ZNF37A: variants seen among roughly 807,000 people sequenced by gnomAD.
ZNF37A encodes the protein zinc finger protein 37A.
Under a neutral mutation model 12.3 loss-of-function variants are expected in ZNF37A, and 10 were observed. That is an observed-to-expected ratio of 0.82 (90% CI 0.50 to 1.38). The LOEUF (loss-of-function observed/expected upper bound fraction) is 1.38, where lower values mean the gene tolerates loss of function less well. Among genes scored for constraint, ZNF37A ranks in the 40% most tolerant of loss-of-function variants. The pLI is 0.00. For missense variants in ZNF37A, 580 were observed against 651.2 expected (o/e 0.89, Z 1.19); for synonymous variants, 207 against 223.0 (o/e 0.93, Z 0.64).
At chr10:38,106,036 G>C (rs537850388) in intron 5 of ZNF37A, among the ~76,000 whole-genome samples, 1 of 152,142 alleles carries the variant, frequency 6.6e-6, no homozygotes, top group African/African-American at 2.4e-5. Context: ...TTGCAGTGGT[G>C]TGAAAGCACT....
Position 38,145,671 on chromosome 10 carries a change from T to C in ZNF37A, c.239-1061T>C, listed in dbSNP as rs149727428. 9.5e-3 allele frequency among the ~76,000 whole-genome samples: 1,444 copies of C among 152,318 alleles called. 9 individuals are homozygous for C. Among genetic ancestry groups the C allele is most frequent in the Middle Eastern group, 0.034 (10 of 294 alleles). On this transcript the variant is annotated intron_variant, in intron 7 of 7. Transcript: ENST00000638053. ...ACAATGGATGTGCCTATACAGTTCA[T>C]ATTGGCTGGGGGCTCAGTCACTGTG...
intron 5 of ZNF37A, among the ~76,000 whole-genome samples, chr10:38,097,148 A>G (rs1485953995): frequency 2.6e-5 from 4 of 152,252 alleles, no homozygotes; most frequent in Non-Finnish European, 4.4e-5. Context: ...CAGTTTGTCA[A>G]TGGGCTTTAT....
At chr10:38,100,784 A>C (rs2067499965) in intron 5 of ZNF37A, among the ~76,000 whole-genome samples, 1 of 152,234 alleles carries the variant, frequency 6.6e-6, no homozygotes, top group South Asian at 2.1e-4. Context: ...AAAGACAGGC[A>C]TAGGAAATCA....
chr10:38,135,584 T>A (rs2070097240), intron 7 of ZNF37A, among the ~76,000 whole-genome samples: 1 of 152,224 alleles, frequency 6.6e-6, no homozygotes, highest in South Asian at 2.1e-4. Context: ...TTTATAATTG[T>A]CCATGTATTA....
chr10:38,112,500 A>G (rs569198655), intron 5 of ZNF37A, among the ~76,000 whole-genome samples: 1 of 151,908 alleles, frequency 6.6e-6, no homozygotes, highest in African/African-American at 2.4e-5. Flanking sequence ...TCAGACATAA[A>G]CGGGCTATAA....
At chr10:38,129,003 C>T (rs538079050), downstream of ZNF37A, among the ~76,000 whole-genome samples, 16 of 152,146 alleles carry the variant, frequency 1.1e-4, no homozygotes, top group Non-Finnish European at 2.1e-4. Flanking sequence ...CTGCCCACCT[C>T]GGCCTCCCAA....
At chr10:38,105,265 A>G (rs2067967196) in intron 5 of ZNF37A, among the ~76,000 whole-genome samples, 1 of 152,098 alleles carries the variant, frequency 6.6e-6, no homozygotes, top group Non-Finnish European at 1.5e-5. Flanking sequence ...TTGGCCTAAC[A>G]AAGTGTTGGG....
chr10:38,102,555 T>G (rs1214579690), intron 5 of ZNF37A, among the ~76,000 whole-genome samples: 1 of 152,206 alleles, frequency 6.6e-6, no homozygotes, highest in Non-Finnish European at 1.5e-5. Flanking sequence ...TATCTGTCTT[T>G]TAAATCACAT....
chr10:38,105,148 G>C (rs1044187649), intron 5 of ZNF37A, among the ~76,000 whole-genome samples: 3 of 152,008 alleles, frequency 2.0e-5, no homozygotes, highest in Non-Finnish European at 2.9e-5. Context: ...TGGGATTACA[G>C]ACATGTGCCA....
rs1306849652 is a variant in ZNF37A, at chr10:38,115,217, A to T, written c.165A>T (p.Glu55Asp). ...VSVGYCIPKP[E>D]VILKLEKGEE... is the part of the protein sequence containing the mutation. ...CAGGGTATTGCATTCCTAAACCAGA[A>T]GTGATTCTCAAGTTGGAGAAAGGCG... The change falls in exon 7 of 8, where the codon GAA (glutamate) becomes GAT (aspartate). Residue 55 changes from glutamate to aspartate, a missense_variant. Coordinates refer to ENST00000685332, the MANE Select transcript of ZNF37A (RefSeq NM_001324250.3). 1.9e-5 allele frequency: 31 copies of T among 1,613,826 alleles called. No individual in the cohort carries two copies. Among genetic ancestry groups the T allele is most frequent in the Non-Finnish European group, 2.6e-5 (31 of 1,179,962 alleles).
intron 5 of ZNF37A, among the ~76,000 whole-genome samples, chr10:38,104,802 G>A (rs542420721): frequency 1.1e-4 from 17 of 151,966 alleles, no homozygotes; most frequent in Non-Finnish European, 2.1e-4. Flanking sequence ...AAATACACAT[G>A]TGTACACCTA....
intron 7 of ZNF37A, among the ~76,000 whole-genome samples, chr10:38,131,171 T>C (rs1035802699): frequency 9.2e-5 from 14 of 152,292 alleles, no homozygotes; most frequent in African/African-American, 1.4e-4. Context: ...CTTTGCTTTC[T>C]TGATAGTATT....
At position 38,117,548 on chromosome 10, in the gene ZNF37A, C is replaced by T. The variant is rs1160930559; in HGVS notation, c.397C>T (p.Leu133Phe). Residue 133 changes from leucine (L) to phenylalanine (F), a missense_variant, in exon 8 of 8, where the codon CTC (leucine) becomes TTC (phenylalanine). By Grantham distance (22) the Leu-to-Phe change is conservative. Transcript: ENST00000685332. ...GAACAGCTTCTGGCTGAATGAAGAC[C>T]TCATTTGGCATCAGAAAATTAAAAA... is the stretch of plus-strand genomic sequence containing the variant. ...NGNSFWLNED[L>F]IWHQKIKNWE... is the part of the protein sequence containing the mutation. 6.2e-7 allele frequency: 1 copy of T among 1,613,476 alleles called. No individual in the cohort carries two copies. Among genetic ancestry groups the T allele is most frequent in the Admixed American group, 1.7e-5 (1 of 59,864 alleles).
intron 7 of ZNF37A, chr10:38,137,712 C>T (rs1236082909): frequency 3.9e-5 from 6 of 152,174 alleles, no homozygotes; most frequent in Non-Finnish European, 5.9e-5. Context: ...TAGTTGCAAC[C>T]CTGCTCGTGG....
intron 5 of ZNF37A, among the ~76,000 whole-genome samples, chr10:38,108,016 A>G (rs2068280451): frequency 6.6e-6 from 1 of 152,186 alleles, no homozygotes; most frequent in African/African-American, 2.4e-5. Flanking sequence ...ATAGACATCT[A>G]CAGAACTCTC....
chr10:38,146,595 T>G (rs2505235), intron 7 of ZNF37A: 7 of 385,320 alleles, frequency 1.8e-5, no homozygotes, highest in Non-Finnish European at 3.2e-5. Context: ...AGGTCTACTT[T>G]CAGGGGATTT....
rs1280301653 is a variant in ZNF37A, at chr10:38,123,337, A to G, written c.*4500A>G. ...AAATAAAGTTAATTTCAATGTTTAAAGACTTGTTATTAAAATAATAGCAGT... is the reference window on the plus strand; with the variant it reads ...AAATAAAGTTAATTTCAATGTTTAAGGACTTGTTATTAAAATAATAGCAGT... On this transcript the variant is annotated 3_prime_UTR_variant, in exon 8 of 8. Coordinates refer to ENST00000685332, the MANE Select transcript of ZNF37A (RefSeq NM_001324250.3). 6.6e-6 allele frequency: 1 copy of G among 152,264 alleles called. No homozygotes were observed. The highest frequency in any genetic ancestry group is 1.9e-4 in the East Asian group (1 of 5,204). 9.4% of individuals were successfully genotyped at this position (152,264 alleles called of 1,614,324 possible). A position where few individuals can be genotyped will look rare whatever the true frequency, so the allele number is the denominator to read the frequency against.
chr10:38,147,968 A>G (rs1262535263), exon 8 of ZNF37A: 1 of 152,264 alleles, frequency 6.6e-6, no homozygotes, highest in African/African-American at 2.4e-5. Flanking sequence ...ACAAGTCATG[A>G]GGAATGGAGA....
chr10:38,129,319 A>AAAAAAAAAAAAAAAAAAAAAAAAAAAAAT, downstream of ZNF37A, among the ~76,000 whole-genome samples: 18 of 116,290 alleles, frequency 1.5e-4, 1 homozygote, highest in African/African-American at 6.2e-4. Context: ...AAAAAAAAAA[A>AAAAAAAAAAAAAAAAAAAAAAAAAAAAAT]AAACTATTAT....
Sources: gnomAD v4.1 joint callset for allele counts (sites outside exome capture counted in the v4.1 genomes callset) on GRCh38, gnomAD v4.1.1 for gene constraint, MANE v1.5 for transcripts, NCBI Gene and HGNC (gene_info 2026-07-23, HGNC 2026-07-21) for gene names.